PTPRZ1: variants seen among roughly 807,000 people sequenced by gnomAD.
The protein encoded by PTPRZ1 is receptor-type tyrosine-protein phosphatase zeta.
A neutral mutation model predicts 214.1 loss-of-function variants in PTPRZ1; 82 were observed. The ratio of observed to expected loss-of-function variants is 0.38; its 90% CI spans 0.32 to 0.46. PTPRZ1 has a LOEUF of 0.46. Among genes scored for constraint, PTPRZ1 ranks in the 20% least tolerant of loss-of-function variants. The pLI is 1.00. For synonymous variants in PTPRZ1, 945 were observed against 987.9 expected (o/e 0.96, Z 0.81); for missense variants, 2,603 against 2,748.7 (o/e 0.95, Z 1.19).
intron 1 of PTPRZ1, among the ~76,000 whole-genome samples, chr7:121,918,176 A>G (rs1190743364): frequency 1.3e-5 from 2 of 152,208 alleles, no homozygotes; most frequent in Non-Finnish European, 2.9e-5. Flanking sequence ...ACAGCAACTT[A>G]ACATGACCCG....
intron 12 of PTPRZ1, among the ~76,000 whole-genome samples, chr7:122,015,226 A>G (rs951728757): frequency 2.0e-5 from 3 of 152,170 alleles, no homozygotes; most frequent in African/African-American, 7.2e-5. Context: ...CTTAAAGTTT[A>G]ATAATGAAAC....
chr7:121,998,909 T>C (rs1431190473), intron 10 of PTPRZ1, among the ~76,000 whole-genome samples: 1 of 152,174 alleles, frequency 6.6e-6, no homozygotes, highest in Non-Finnish European at 1.5e-5. Context: ...ATAGCCTATT[T>C]TAGTTTTACC....
At chr7:122,018,509 T>C (rs1244003061) in intron 12 of PTPRZ1, among the ~76,000 whole-genome samples, 1 of 151,474 alleles carries the variant, frequency 6.6e-6, no homozygotes, top group Admixed American at 6.6e-5. Context: ...TCACCTGAAA[T>C]TGCATTTTTT....
chr7:121,917,509 T>C (rs77714006), intron 1 of PTPRZ1, among the ~76,000 whole-genome samples: 9,000 of 152,214 alleles, frequency 0.059, 317 homozygotes, highest in Non-Finnish European at 0.085. Flanking sequence ...CACATTGCTG[T>C]TGCATTTAAA....
intron 13 of PTPRZ1, among the ~76,000 whole-genome samples, chr7:122,026,496 G>C (rs1482397220): frequency 6.6e-6 from 1 of 152,144 alleles, no homozygotes; most frequent in Non-Finnish European, 1.5e-5. Flanking sequence ...TTTCTGTATA[G>C]TTTCTGCCAC....
Position 122,000,646 on chromosome 7 carries a change from C to CATATAT in PTPRZ1, c.1240+2691_1240+2696dup, listed in dbSNP as rs60953788. 3.6e-3 allele frequency among the ~76,000 whole-genome samples: 184 copies of CATATAT among 51,656 alleles called. 1 individual carries two copies. Among genetic ancestry groups the CATATAT allele is most frequent in the Non-Finnish European group, 4.1e-3 (126 of 30,364 alleles). The allele number at this position is 51,656 out of a possible 152,430, so 33.9% of individuals were successfully genotyped here. On this transcript the variant is annotated intron_variant, in intron 10 of 29. Transcript: ENST00000393386. ...ATTGCTGTCATTCTTTGATAGATTTCATATATATATATATATATATATATA... is the reference window on the plus strand; with the variant it reads ...ATTGCTGTCATTCTTTGATAGATTTCATATATATATATATATATATATATATATATA...
intron 8 of PTPRZ1, among the ~76,000 whole-genome samples, chr7:121,987,071 A>G (rs1336920080): frequency 6.6e-6 from 1 of 152,240 alleles, no homozygotes; most frequent in African/African-American, 2.4e-5. Context: ...TCCTTAGGAT[A>G]AATAAAAGTG....
chr7:122,004,545 C>A, intron 10 of PTPRZ1, 69 bp from the exon 11 acceptor site: 1 of 806,452 alleles, frequency 1.2e-6, no homozygotes, highest in Non-Finnish European at 2.0e-6. Flanking sequence ...CTCTTTCACC[C>A]AAAGGTAAAT....
intron 6 of PTPRZ1, among the ~76,000 whole-genome samples, chr7:121,979,960 G>A (rs1797554584): frequency 6.6e-6 from 1 of 152,028 alleles, no homozygotes; most frequent in Admixed American, 6.6e-5. Flanking sequence ...AGAGAGACCA[G>A]GTGACTGCTA....
intron 1 of PTPRZ1, among the ~76,000 whole-genome samples, chr7:121,881,147 T>C (rs1051581626): frequency 6.6e-6 from 1 of 152,154 alleles, no homozygotes; most frequent in Non-Finnish European, 1.5e-5. Flanking sequence ...AGTGTCTGTA[T>C]AAGAAGAGAA....
At chr7:121,919,829 GTAAT>G (rs2116339534) in intron 1 of PTPRZ1, among the ~76,000 whole-genome samples, 1 of 147,764 alleles carries the variant, frequency 6.8e-6, no homozygotes, top group South Asian at 2.2e-4. Context: ...CATTTTTTTA[GTAAT>G]TGATTAACCA....
intron 1 of PTPRZ1, among the ~76,000 whole-genome samples, chr7:121,876,986 C>T (rs912193633): frequency 1.3e-5 from 2 of 152,102 alleles, no homozygotes; most frequent in African/African-American, 2.4e-5. Context: ...ATTTGCTGAC[C>T]GTTCAGACTG....
chr7:122,011,499 C>G lies in PTPRZ1; in HGVS notation c.2453C>G (p.Pro818Arg). ...ESILSSYDGA[P>R]LLPFSSASFS... is the part of the protein sequence containing the mutation. ...ATCCTGTCTTCCTATGATGGTGCAC[C>G]TTTGCTTCCATTTTCCTCTGCTTCC... Residue 818 changes from proline to arginine, a missense_variant, in exon 12 of 30, where the codon CCT becomes CGT. Transcript: ENST00000393386. 2 of 1,613,908 alleles carry G rather than the reference C, an allele frequency of 1.2e-6. No homozygotes were observed. The highest frequency in any genetic ancestry group is 1.7e-6 in the Non-Finnish European group (2 of 1,179,876).
Position 122,058,885 on chromosome 7 carries a change from T to C in PTPRZ1, c.6614T>C (p.Ile2205Thr), listed in dbSNP as rs1408514798. The C allele has an allele frequency of 1.4e-5, 23 of 1,592,864 alleles. No homozygotes were observed. Among genetic ancestry groups the C allele is most frequent in the East Asian group, 2.2e-5 (1 of 44,764 alleles). The change falls in exon 28 of 30, where the codon ATA becomes ACA. Residue 2205 changes from isoleucine to threonine, a missense_variant. This residue lies in a region of PTPRZ1 where 165 missense variants were observed against 151.4 expected (regional missense o/e 1.09). Transcript: ENST00000393386. ...DSPISKTFEL[I>T]SVIKEEAANR... ...CCCATTAGTAAAACTTTTGAACTTATAAGTGTTATAAAAGAAGAAGCTGCC... is the reference window on the plus strand; with the variant it reads ...CCCATTAGTAAAACTTTTGAACTTACAAGTGTTATAAAAGAAGAAGCTGCC...
chr7:121,989,103 A>G (rs1797859127), intron 8 of PTPRZ1, among the ~76,000 whole-genome samples: 1 of 152,218 alleles, frequency 6.6e-6, no homozygotes, highest in Non-Finnish European at 1.5e-5. Context: ...ACAATAATGA[A>G]CACCTAGCAT....
intron 1 of PTPRZ1, among the ~76,000 whole-genome samples, chr7:121,907,581 A>G (rs1795153774): frequency 6.6e-6 from 1 of 152,036 alleles, no homozygotes; most frequent in African/African-American, 2.4e-5. Flanking sequence ...AATATTTTAA[A>G]TGATTAGAAA....
chr7:122,027,670 A>G (rs886075415), intron 13 of PTPRZ1, among the ~76,000 whole-genome samples: 1 of 152,162 alleles, frequency 6.6e-6, no homozygotes, highest in Non-Finnish European at 1.5e-5. Context: ...TAATTATTCA[A>G]TTTTTAAAAT....
intron 1 of PTPRZ1, 67 bp downstream of exon 1, chr7:121,873,624 G>T: frequency 6.4e-7 from 1 of 1,571,492 alleles, no homozygotes. Context: ...GAGCATTTCA[G>T]CGTGTCCGCG....
At position 122,014,821 on chromosome 7, in the gene PTPRZ1, A is replaced by T. The variant is rs564454086; in HGVS notation, c.4843+932A>T. Among the ~76,000 whole-genome samples the T allele has an allele frequency of 2.0e-5, 3 of 152,216 alleles. No homozygotes were observed. The East Asian group carries it at 5.8e-4, about 29-fold the overall frequency. ...AATAATGAAGTTAAAAAAAATTTTA[A>T]TTTTTTTGTCTTTCTTTATCTTAAT... On this transcript the variant is annotated intron_variant, in intron 12 of 29. Coordinates refer to ENST00000393386, the MANE Select transcript of PTPRZ1 (RefSeq NM_002851.3).
Sources: allele counts gnomAD v4.1 joint callset (sites outside exome capture counted in the v4.1 genomes callset), GRCh38; gene constraint gnomAD v4.1.1; regional missense constraint gnomAD v4.1.1; transcripts MANE v1.5; gene names NCBI Gene and HGNC (gene_info 2026-07-23, HGNC 2026-07-21).